AGAP1: variants seen among roughly 807,000 people sequenced by gnomAD.
AGAP1 encodes the protein ArfGAP with GTPase domain, ankyrin repeat and PH domain 1.
In AGAP1, 29 loss-of-function variants were observed where a neutral mutation model predicts 105.3. That is an observed-to-expected ratio of 0.28 (90% confidence interval 0.21 to 0.38). The LOEUF is 0.38. AGAP1 is among the 10% of genes least tolerant of loss of function. The pLI, the probability that AGAP1 is intolerant of heterozygous loss-of-function variation, is 1.00. For missense variants in AGAP1, 998 were observed against 1,165.1 expected, an observed-to-expected ratio of 0.86 and a Z score of 2.09; for synonymous variants, 509 against 485.9, an observed-to-expected ratio of 1.05 and a Z score of -0.63.
Position 235,980,259 on chromosome 2 carries a change from G to T in AGAP1, c.1645+11636G>T, listed in dbSNP as rs566113007. On this transcript the variant is annotated intron_variant, in intron 13 of 17. Coordinates refer to ENST00000304032, the MANE Select transcript of AGAP1 (RefSeq NM_001037131.3). Reference sequence around the variant, plus strand: ...ATAGTCGGAAACATTGATGGCTGTTGTCTGGGTTTTGGCAGGCAGCCAGGG... The same window carrying T: ...ATAGTCGGAAACATTGATGGCTGTTTTCTGGGTTTTGGCAGGCAGCCAGGG... 3.9e-5 allele frequency among the ~76,000 whole-genome samples: 6 copies of T among 152,322 alleles called. No individual in the cohort carries two copies. The East Asian group carries it at 1.2e-3, about 29-fold the overall frequency.
chr2:235,752,810 T>G lies in AGAP1; in HGVS notation c.673+2322T>G, dbSNP rs1250484368. 6.6e-6 allele frequency among the ~76,000 whole-genome samples: 1 copy of G among 152,246 alleles called. No homozygotes were observed. On this transcript the variant is annotated intron_variant, in intron 6 of 17. Coordinates refer to ENST00000304032, the MANE Select transcript of AGAP1 (RefSeq NM_001037131.3). This position sits in a 1 kb window ranked among gnomAD's most constrained non-coding sequence, Gnocchi z 4.3. Reference sequence around the variant, plus strand: ...ATACTGGGGGTTGTCAGGATGATGCTGCCTTCCTGCCAAACAGCCTTTGTA... The same window carrying G: ...ATACTGGGGGTTGTCAGGATGATGCGGCCTTCCTGCCAAACAGCCTTTGTA...
intron 1 of AGAP1, among the ~76,000 whole-genome samples, chr2:235,570,850 GCT>G (rs1160822284): frequency 2.0e-5 from 3 of 152,216 alleles, no homozygotes; most frequent in Non-Finnish European, 4.4e-5. Context: ...AAGTACTGCT[GCT>G]CGAGGAATCT....
Position 235,752,513 on chromosome 2 carries a change from T to G in AGAP1, c.673+2025T>G, listed in dbSNP as rs1032032139. ...CTTTTCATGACGCAGAGCCACGCTT[T>G]GTGTCGATGGGCTGCAGCGGGTTTG... On this transcript the variant is annotated intron_variant, in intron 6 of 17. Transcript: ENST00000304032. This position sits in a 1 kb window ranked among gnomAD's most constrained non-coding sequence, Gnocchi z 4.3. Among the ~76,000 whole-genome samples, 1 of 152,148 alleles carries G rather than the reference T, an allele frequency of 6.6e-6. No homozygotes were observed. Among genetic ancestry groups the G allele is most frequent in the Non-Finnish European group, 1.5e-5 (1 of 68,036 alleles).
At chr2:236,065,249 A>G (rs542076217) in intron 16 of AGAP1, among the ~76,000 whole-genome samples, 5 of 152,342 alleles carry the variant, frequency 3.3e-5, no homozygotes, top group East Asian at 1.9e-4. Flanking sequence ...GGGAAGTTCA[A>G]TAACTTATTC....
chr2:235,544,533 G>A (rs1265635117), intron 1 of AGAP1, among the ~76,000 whole-genome samples: 3 of 152,326 alleles, frequency 2.0e-5, no homozygotes, highest in African/African-American at 7.2e-5. Context: ...TTCTCAAGGC[G>A]AGGAGCCAGC....
At position 235,498,161 on chromosome 2, in the gene AGAP1, C is replaced by G. The variant is rs1037656408; in HGVS notation, c.163+3312C>G. Among the ~76,000 whole-genome samples, 3 of 152,124 alleles carry G rather than the reference C, an allele frequency of 2.0e-5. No individual in the cohort carries two copies. The South Asian group carries it at 6.2e-4, about 31-fold the overall frequency. On this transcript the variant is annotated intron_variant, in intron 1 of 17. Coordinates refer to ENST00000304032, the MANE Select transcript of AGAP1 (RefSeq NM_001037131.3). ...TTTAGTTGAAAGGCCCACCAAGGCT[C>G]CCAAATAAAAACACATCCGTAATCC...
intron 3 of AGAP1, among the ~76,000 whole-genome samples, chr2:235,726,192 C>T (rs533910036): frequency 2.6e-5 from 4 of 152,186 alleles, no homozygotes; most frequent in Non-Finnish European, 5.9e-5. Flanking sequence ...CTGGGACTTA[C>T]ACCCGGTCTG....
intron 10 of AGAP1, among the ~76,000 whole-genome samples, chr2:235,898,665 T>A (rs1378779516): frequency 6.6e-6 from 1 of 152,164 alleles, no homozygotes; most frequent in Non-Finnish European, 1.5e-5. Context: ...AGCTAACATT[T>A]ATGGAGGGCT....
At position 235,799,312 on chromosome 2, in the gene AGAP1, G is replaced by A; in HGVS notation, c.802-55G>A. ...TTGGTTATGACCTTGCCTAAGTGGA[G>A]GTCTTGGGTTCCTGAGTATGTCGTT... On this transcript the variant is annotated intron_variant, in intron 7 of 17. Coordinates refer to ENST00000304032, the MANE Select transcript of AGAP1 (RefSeq NM_001037131.3). This position sits in a 1 kb window ranked among gnomAD's most constrained non-coding sequence, Gnocchi z 5.0. The A allele has an allele frequency of 6.3e-7, 1 of 1,583,482 alleles. No homozygotes were observed. The highest frequency in any genetic ancestry group is 1.7e-5 in the Admixed American group (1 of 58,718).
Position 236,123,140 on chromosome 2 carries a change from G to A in AGAP1, c.2371-779G>A, listed in dbSNP as rs948598916. On this transcript the variant is annotated intron_variant, in intron 17 of 17. Transcript: ENST00000304032. This position sits in a 1 kb window ranked among gnomAD's most constrained non-coding sequence, Gnocchi z 4.6. The stretch of plus-strand genomic sequence containing the variant: ...CCAGGCTGGAGTGCAGTGGTGTGAT[G>A]TCGGCCCACGGCAGCCTCTGCCTCC... Among the ~76,000 whole-genome samples the A allele has an allele frequency of 6.6e-5, 10 of 152,010 alleles. No individual in the cohort carries two copies. The highest frequency in any genetic ancestry group is 1.2e-4 in the Non-Finnish European group (8 of 67,986).
intron 1 of AGAP1, among the ~76,000 whole-genome samples, chr2:235,537,794 T>TA (rs1943290344): frequency 1.3e-5 from 2 of 152,318 alleles, no homozygotes; most frequent in Non-Finnish European, 2.9e-5. Context: ...GACTCACTGC[T>TA]GGCAGTCACT....
chr2:235,987,367 T>C (rs967123907), intron 13 of AGAP1, among the ~76,000 whole-genome samples: 16 of 152,118 alleles, frequency 1.1e-4, no homozygotes, highest in Non-Finnish European at 4.4e-5. Flanking sequence ...CATTTTTTAT[T>C]ATGTCTGTTT....
At chr2:235,542,004 C>T (rs1459335646) in intron 1 of AGAP1, among the ~76,000 whole-genome samples, 1 of 152,172 alleles carries the variant, frequency 6.6e-6, no homozygotes. Flanking sequence ...TTTCTGCCCA[C>T]ACTGGATATT....
At chr2:235,914,347 A>G (rs2051766971) in intron 11 of AGAP1, among the ~76,000 whole-genome samples, 1 of 151,836 alleles carries the variant, frequency 6.6e-6, no homozygotes, top group African/African-American at 2.4e-5. Flanking sequence ...AATGCTCTGG[A>G]TATTGGGGTG....
At chr2:235,997,779 C>G (rs2055882752) in intron 13 of AGAP1, among the ~76,000 whole-genome samples, 1 of 152,166 alleles carries the variant, frequency 6.6e-6, no homozygotes, top group Non-Finnish European at 1.5e-5. Flanking sequence ...AGGTTCTGGT[C>G]TGCCCTCTTA....
rs185949572 is a variant in AGAP1, at chr2:236,109,608, G to C, written c.2115-10584G>C. On this transcript the variant is annotated intron_variant, in intron 16 of 17. Coordinates refer to ENST00000304032, the MANE Select transcript of AGAP1 (RefSeq NM_001037131.3). This position sits in a 1 kb window ranked among gnomAD's most constrained non-coding sequence, Gnocchi z 5.4. The stretch of plus-strand genomic sequence containing the variant: ...CGGCAGCCATGGGAATGTCCTAGTC[G>C]GCAGCAGTGTCGGTGTTCTAGACCG... Among the ~76,000 whole-genome samples, 2 of 147,256 alleles carry C rather than the reference G, an allele frequency of 1.4e-5. No individual in the cohort carries two copies. The highest frequency in any genetic ancestry group is 1.5e-5 in the Non-Finnish European group (1 of 65,260).
intron 12 of AGAP1, among the ~76,000 whole-genome samples, chr2:235,935,435 A>G (rs761330101): frequency 1.8e-4 from 28 of 152,200 alleles, no homozygotes; most frequent in Non-Finnish European, 2.9e-4. Flanking sequence ...CCACTCTTCT[A>G]AGTGTTTGAC....
rs1331493279 is a variant in AGAP1 at position 236,127,097 on chromosome 2, C to CTG, written c.*2979_*2980dup. 2 of 152,286 alleles carry CTG rather than the reference C, an allele frequency of 1.3e-5. No homozygotes were observed. Among genetic ancestry groups the CTG allele is most frequent in the Non-Finnish European group, 2.9e-5 (2 of 68,078 alleles). 9.4% of individuals were successfully genotyped at this position (152,286 alleles called of 1,614,324 possible). ...CAGCTGAGGGAGGCCCACGAGCGGC[C>CTG]TGTGTAACCCCATGGGTGATCTGGA... On this transcript the variant is annotated 3_prime_UTR_variant, in exon 18 of 18. Coordinates refer to ENST00000304032, the MANE Select transcript of AGAP1 (RefSeq NM_001037131.3). This position sits in a 1 kb window ranked among gnomAD's most constrained non-coding sequence, Gnocchi z 6.6.
chr2:235,766,737 A>G (rs1289281352), intron 6 of AGAP1, among the ~76,000 whole-genome samples: 1 of 152,046 alleles, frequency 6.6e-6, no homozygotes, highest in African/African-American at 2.4e-5. Context: ...CAAAGATACA[A>G]AGTTTTTCTT....
Sources: gnomAD v4.1 joint callset for allele counts (sites outside exome capture counted in the v4.1 genomes callset) on GRCh38, gnomAD v4.1.1 for gene constraint, Gnocchi (gnomAD v3.1) non-coding constraint, MANE v1.5 for transcripts, NCBI Gene and HGNC (gene_info 2026-07-23, HGNC 2026-07-21) for gene names.